The following SAMMSON variants were observed in gnomAD, a reference collection of about 807,000 sequenced individuals.
SAMMSON encodes long intergenic non-protein coding RNA 1212.
chr3:70,290,140 T>G (rs189569057), intron 6 of SAMMSON, among the ~76,000 whole-genome samples: 7,223 of 152,188 alleles, frequency 0.047, 212 homozygotes, highest in South Asian at 0.14. Flanking sequence ...GGCGCTCTGC[T>G]TTTTAGAGTT....
At chr3:70,131,841 G>A (rs906900425) in intron 4 of SAMMSON, among the ~76,000 whole-genome samples, 4 of 152,126 alleles carry the variant, frequency 2.6e-5, no homozygotes, top group Admixed American at 1.3e-4. Context: ...GCCTCCCAAA[G>A]TGTTGGGATT....
chr3:70,062,068 C>T (rs911968559), intron 3 of SAMMSON, among the ~76,000 whole-genome samples: 2 of 152,112 alleles, frequency 1.3e-5, no homozygotes, highest in African/African-American at 4.8e-5. Flanking sequence ...ATCCAGCAGC[C>T]AAGTGCGTTG....
At chr3:70,058,716 G>A (rs1158040284) in intron 3 of SAMMSON, among the ~76,000 whole-genome samples, 1 of 152,026 alleles carries the variant, frequency 6.6e-6, no homozygotes, top group East Asian at 1.9e-4. Flanking sequence ...TGTCTTGTTT[G>A]TTCCTCTATA....
At chr3:70,020,503 G>A (rs2067008861) in intron 3 of SAMMSON, among the ~76,000 whole-genome samples, 1 of 152,114 alleles carries the variant, frequency 6.6e-6, no homozygotes, top group African/African-American at 2.4e-5. Flanking sequence ...AACAGAACCA[G>A]GCCTGGCTGC....
intron 7 of SAMMSON, chr3:70,302,522 C>G (rs1351679391): frequency 3.3e-5 from 5 of 152,192 alleles, no homozygotes; most frequent in African/African-American, 1.2e-4. Context: ...GCTGTTGTGA[C>G]TTGTAGGAAA....
intron 4 of SAMMSON, among the ~76,000 whole-genome samples, chr3:70,191,839 C>T (rs531795642): frequency 1.5e-4 from 23 of 148,828 alleles, no homozygotes; most frequent in Non-Finnish European, 3.4e-4. Context: ...GGTTATTTGC[C>T]GTGTAACCTG....
At chr3:70,245,533 A>G (rs963274535) in intron 4 of SAMMSON, among the ~76,000 whole-genome samples, 10 of 151,416 alleles carry the variant, frequency 6.6e-5, no homozygotes, top group South Asian at 6.2e-4. Flanking sequence ...ATTCTGTACT[A>G]CTTACTTAAT....
intron 6 of SAMMSON, among the ~76,000 whole-genome samples, chr3:70,278,928 A>G (rs1702054649): frequency 6.6e-6 from 1 of 151,740 alleles, no homozygotes; most frequent in African/African-American, 2.4e-5. Context: ...GAGCTCAATG[A>G]ATAGTTTCTT....
chr3:70,203,832 G>A (rs1701266142), intron 4 of SAMMSON, among the ~76,000 whole-genome samples: 1 of 152,046 alleles, frequency 6.6e-6, no homozygotes, highest in African/African-American at 2.4e-5. Flanking sequence ...CTAATATCAT[G>A]TATATTTCTG....
chr3:70,162,048 G>A (rs149049608), intron 4 of SAMMSON, among the ~76,000 whole-genome samples: 2 of 151,490 alleles, frequency 1.3e-5, no homozygotes, highest in African/African-American at 4.8e-5. Flanking sequence ...GCTGAATTTT[G>A]CTTTTTCAAT....
intron 4 of SAMMSON, among the ~76,000 whole-genome samples, chr3:70,165,678 TC>T (rs1177005617): frequency 1.3e-5 from 2 of 151,986 alleles, no homozygotes; most frequent in African/African-American, 4.8e-5. Context: ...GAACACTCTG[TC>T]ATGGCTTTTC....
At chr3:70,355,535 G>A (rs1384766090) in intron 8 of SAMMSON, among the ~76,000 whole-genome samples, 1 of 152,024 alleles carries the variant, frequency 6.6e-6, no homozygotes, top group Non-Finnish European at 1.5e-5. Flanking sequence ...AAAGAAATCA[G>A]TTTTAAAATT....
chr3:70,019,307 T>C (rs2067000434), intron 3 of SAMMSON, among the ~76,000 whole-genome samples: 1 of 152,230 alleles, frequency 6.6e-6, no homozygotes, highest in South Asian at 2.1e-4. Context: ...TAGCTCTTCA[T>C]GTTGAATTGT....
At chr3:70,204,744 T>A (rs1701274332) in intron 4 of SAMMSON, 1 of 151,886 alleles carries the variant, frequency 6.6e-6, no homozygotes, top group Non-Finnish European at 1.5e-5. Flanking sequence ...AATACAAGAG[T>A]TAGGTGTCAT....
chr3:70,311,881 C>T (rs1319745743), intron 7 of SAMMSON: 2 of 397,566 alleles, frequency 5.0e-6, no homozygotes, highest in Non-Finnish European at 8.9e-6. Context: ...AGCAAGAAGA[C>T]TTACCTTCTT....
chr3:70,233,911 T>C (rs1448922990), intron 4 of SAMMSON, among the ~76,000 whole-genome samples: 1 of 152,252 alleles, frequency 6.6e-6, no homozygotes, highest in Non-Finnish European at 1.5e-5. Flanking sequence ...TGTATTGTTT[T>C]CAGTTGTTGG....
intron 7 of SAMMSON, among the ~76,000 whole-genome samples, chr3:70,323,514 G>A (rs1702552835): frequency 1.3e-5 from 2 of 152,180 alleles, no homozygotes; most frequent in South Asian, 4.1e-4. Flanking sequence ...CAGCCATGCA[G>A]GCTGCGCACT....
chr3:70,069,250 G>C (rs2067221250), intron 3 of SAMMSON: 1 of 152,056 alleles, frequency 6.6e-6, no homozygotes, highest in Admixed American at 6.6e-5. Flanking sequence ...TTGTGATGTG[G>C]TTCAAATGGC....
At chr3:70,339,636 A>C (rs1188432038) in intron 7 of SAMMSON, among the ~76,000 whole-genome samples, 6 of 152,236 alleles carry the variant, frequency 3.9e-5, no homozygotes, top group Non-Finnish European at 8.8e-5. Flanking sequence ...TTATGCAGCC[A>C]ACAGACACAT....
Sources: gnomAD v4.1 joint callset for allele counts (sites outside exome capture counted in the v4.1 genomes callset) on GRCh38, gnomAD v4.1.1 for gene constraint, MANE v1.5 for transcripts, NCBI Gene and HGNC (gene_info 2026-07-23, HGNC 2026-07-21) for gene names.